The following ZFHX3 variants were observed in gnomAD, a reference collection of about 807,000 sequenced individuals.
The protein encoded by ZFHX3 is zinc finger homeobox 3, also known as zinc finger homeobox protein 3.
ZFHX3 carries 42 observed loss-of-function variants against 279.1 expected under a neutral mutation model. The observed-to-expected ratio is 0.15, with a 90% CI of 0.12 to 0.19. The LOEUF is 0.19. Among genes scored for constraint, ZFHX3 ranks in the 10% least tolerant of loss-of-function variants. The pLI is 1.00. For missense variants in ZFHX3, 4,981 were observed against 4,754.0 expected, an observed-to-expected ratio of 1.05 and a Z score of -1.40; for synonymous variants, 2,293 against 1,957.8, an observed-to-expected ratio of 1.17 and a Z score of -4.52.
chr16:73,605,385 T>C (rs1393664398), intron 2 of ZFHX3, among the ~76,000 whole-genome samples: 1 of 152,210 alleles, frequency 6.6e-6, no homozygotes, highest in Non-Finnish European at 1.5e-5. Context: ...TAGGTTTGCC[T>C]GAAACACATT....
intron 2 of ZFHX3, among the ~76,000 whole-genome samples, chr16:73,473,339 C>CAAAAAAAAAA (rs11347779): frequency 2.5e-3 from 191 of 76,594 alleles, no homozygotes; most frequent in Middle Eastern, 9.6e-3. Context: ...TGTCTCAAAG[C>CAAAAAAAAAA]AAAAAAAAAA....
At chr16:73,887,830 T>G (rs1368702891) in intron 1 of ZFHX3, among the ~76,000 whole-genome samples, 2 of 152,158 alleles carry the variant, frequency 1.3e-5, no homozygotes, top group African/African-American at 4.8e-5. Context: ...GAGTTCTATC[T>G]CATTTTCAAC....
chr16:73,232,404 G>C (rs1237432212), intron 5 of ZFHX3: 1 of 152,224 alleles, frequency 6.6e-6, no homozygotes, highest in Non-Finnish European at 1.5e-5. Flanking sequence ...AATAACAGAA[G>C]GCGAGAGGGA....
intron 1 of ZFHX3, among the ~76,000 whole-genome samples, chr16:73,057,802 G>A (rs866130022): frequency 1.5e-4 from 23 of 151,062 alleles, no homozygotes; most frequent in Non-Finnish European, 2.7e-4. Context: ...CCGTGGCTCC[G>A]AACGGGCTCC....
chr16:72,921,135 A>G (rs929110177), intron 3 of ZFHX3, among the ~76,000 whole-genome samples: 1 of 149,710 alleles, frequency 6.7e-6, no homozygotes, highest in Admixed American at 6.7e-5. Flanking sequence ...GTGTCCTCGC[A>G]GAACATCTAG....
chr16:73,228,936 C>T (rs532690863), intron 5 of ZFHX3, among the ~76,000 whole-genome samples: 26 of 152,174 alleles, frequency 1.7e-4, no homozygotes, highest in African/African-American at 6.3e-4. Context: ...TGGGTCCCTG[C>T]CTGCTATTTT....
chr16:72,929,234 C>T (rs1214710350), intron 3 of ZFHX3, among the ~76,000 whole-genome samples: 1 of 149,432 alleles, frequency 6.7e-6, no homozygotes. Context: ...CCGCCAGACC[C>T]TGTCTAAAAA....
chr16:72,819,427 A>C (rs2036714303), intron 5 of ZFHX3, among the ~76,000 whole-genome samples: 2 of 152,152 alleles, frequency 1.3e-5, no homozygotes, highest in Admixed American at 6.5e-5. Flanking sequence ...AAATGCCAGA[A>C]TGTGTCAGAC....
chr16:73,667,329 C>G (rs1387891658), intron 2 of ZFHX3, among the ~76,000 whole-genome samples: 1 of 152,188 alleles, frequency 6.6e-6, no homozygotes, highest in African/African-American at 2.4e-5. Flanking sequence ...TTGAAGGACA[C>G]CTGGACGGTT....
chr16:73,340,708 G>A (rs1166615953), intron 3 of ZFHX3, among the ~76,000 whole-genome samples: 2 of 152,114 alleles, frequency 1.3e-5, no homozygotes, highest in African/African-American at 4.8e-5. Flanking sequence ...AGGACGACTG[G>A]CTAGACAGTT....
intron 8 of ZFHX3, among the ~76,000 whole-genome samples, chr16:73,087,559 G>A (rs1597151896): frequency 6.6e-6 from 1 of 152,330 alleles, no homozygotes; most frequent in East Asian, 1.9e-4. Flanking sequence ...GAAGCCTCAA[G>A]ATGTCCCCTG....
chr16:73,706,724 A>T, intron 1 of ZFHX3, among the ~76,000 whole-genome samples: 1 of 152,146 alleles, frequency 6.6e-6, no homozygotes, highest in East Asian at 1.9e-4. Flanking sequence ...TGTTTTCTTT[A>T]TGAGAAACAT....
chr16:73,673,156 G>A (rs2052920774), intron 2 of ZFHX3, among the ~76,000 whole-genome samples: 2 of 152,058 alleles, frequency 1.3e-5, no homozygotes, highest in Admixed American at 6.6e-5. Context: ...CAAAAGGCAA[G>A]GGAACAGTGA....
chr16:72,911,450 T>C (rs2039313202), intron 3 of ZFHX3, among the ~76,000 whole-genome samples: 1 of 152,210 alleles, frequency 6.6e-6, no homozygotes, highest in Non-Finnish European at 1.5e-5. Context: ...AACATCTTTT[T>C]CCTTCGGAAA....
rs899838962 is a variant in ZFHX3 at position 72,785,381 on chromosome 16, T to C, written c.*1783A>G. ...GCTCTGGATCACTCGCTGCTCAGAC[T>C]GCCTAACACAAGGACAAAACTTTGA... On this transcript the variant is annotated 3_prime_UTR_variant, in exon 10 of 10. Coordinates refer to ENST00000268489, the MANE Select transcript of ZFHX3 (RefSeq NM_006885.4). The C allele has an allele frequency of 6.5e-6, 1 of 152,672 alleles. No individual in the cohort carries two copies. Among genetic ancestry groups the C allele is most frequent in the Non-Finnish European group, 1.5e-5 (1 of 68,036 alleles). The allele number at this position is 152,672 out of a possible 1,614,324, so 9.5% of individuals were successfully genotyped here. A position where few individuals can be genotyped will look rare whatever the true frequency, so the allele number is the denominator to read the frequency against.
At chr16:72,882,528 G>A (rs1039001371) in intron 4 of ZFHX3, among the ~76,000 whole-genome samples, 38 of 152,260 alleles carry the variant, frequency 2.5e-4, no homozygotes, top group Admixed American at 6.5e-4. Context: ...CTGAAAAGGT[G>A]CAAGTCCTGG....
chr16:73,830,552 C>T (rs931511426), intron 1 of ZFHX3, among the ~76,000 whole-genome samples: 2 of 152,304 alleles, frequency 1.3e-5, no homozygotes, highest in South Asian at 2.1e-4. Flanking sequence ...CACACAAACC[C>T]ATTTGTGTGG....
chr16:73,056,817 C>A (rs998148063), intron 1 of ZFHX3, among the ~76,000 whole-genome samples: 1 of 152,222 alleles, frequency 6.6e-6, no homozygotes, highest in African/African-American at 2.4e-5. Flanking sequence ...ACTGCCCAAG[C>A]CTCTTTCGGA....
At chr16:73,013,283 A>T (rs1192861878) in intron 1 of ZFHX3, among the ~76,000 whole-genome samples, 1 of 152,036 alleles carries the variant, frequency 6.6e-6, no homozygotes, top group Non-Finnish European at 1.5e-5. Flanking sequence ...AAAACTCTTT[A>T]TTTTTTTATT....
Sources: gnomAD v4.1 joint callset for allele counts (sites outside exome capture counted in the v4.1 genomes callset) on GRCh38, gnomAD v4.1.1 for gene constraint, MANE v1.5 for transcripts, NCBI Gene and HGNC (gene_info 2026-07-23, HGNC 2026-07-21) for gene names.